NLRC5: variants seen among roughly 807,000 people sequenced by gnomAD.
NLRC5 encodes protein NLRC5.
NLRC5 carries 114 observed loss-of-function variants against 206.9 expected under a neutral mutation model. That is an observed-to-expected ratio of 0.55 (90% CI 0.47 to 0.64). The LOEUF is 0.64. NLRC5 is among the 30% of genes least tolerant of loss of function. The pLI is 0.00. For missense variants in NLRC5, 2,008 were observed against 2,305.5 expected, an observed-to-expected ratio of 0.87 and a Z score of 2.64; for synonymous variants, 952 against 962.8, an observed-to-expected ratio of 0.99 and a Z score of 0.21.
At chr16:57,021,231 A>T in intron 3 of NLRC5, 1 of 466,354 alleles carries the variant, frequency 2.1e-6, no homozygotes, top group Non-Finnish European at 3.8e-6. Flanking sequence ...AATTGCTCGA[A>T]TTGCTGAGTG....
chr16:56,992,854 C>T (rs557437147), intron 1 of NLRC5, among the ~76,000 whole-genome samples: 31 of 148,280 alleles, frequency 2.1e-4, no homozygotes, highest in East Asian at 8.0e-4. Context: ...TGGAATTATG[C>T]GTTAAAGGGA....
chr16:57,024,993 C>G (rs1041569780), intron 5 of NLRC5, among the ~76,000 whole-genome samples: 7 of 152,140 alleles, frequency 4.6e-5, no homozygotes, highest in Non-Finnish European at 7.3e-5. Flanking sequence ...CTGGGCAAGA[C>G]TGAGACTCTG....
rs1367421156 is a variant in NLRC5, at chr16:57,026,808, C to T, written c.1865C>T (p.Thr622Ile). The change falls in exon 6 of 49, where the codon ACA becomes ATA. Residue 622 changes from threonine to isoleucine, a missense_variant. By Grantham distance (89) the Thr-to-Ile change is moderately conservative (BLOSUM62 -1). Coordinates refer to ENST00000688547, the MANE Select transcript of NLRC5 (RefSeq NM_001384950.1). The stretch of plus-strand genomic sequence containing the variant: ...GAGCTGTGTCACTGTGTGGATGAGA[C>T]ACAGGAGCCTGAGCTGGCCAGTCTC... ...VVELCHCVDE[T>I]QEPELASLTA... 6.2e-7 allele frequency: 1 copy of T among 1,614,212 alleles called. No homozygotes were observed. Among genetic ancestry groups the T allele is most frequent in the Admixed American group, 1.7e-5 (1 of 60,020 alleles).
chr16:56,996,571 A>C (rs1329898964), intron 1 of NLRC5, among the ~76,000 whole-genome samples: 2 of 152,198 alleles, frequency 1.3e-5, no homozygotes, highest in Non-Finnish European at 2.9e-5. Flanking sequence ...TTTCTAGAAA[A>C]GCTTTAAGGA....
At chr16:57,073,832 G>A (rs2068054904) in intron 38 of NLRC5, among the ~76,000 whole-genome samples, 1 of 152,210 alleles carries the variant, frequency 6.6e-6, no homozygotes, top group African/African-American at 2.4e-5. Context: ...GACCTCAGGT[G>A]ATTCACCCGC....
Position 57,054,856 on chromosome 16 carries a change from G to A in NLRC5, c.3596+16G>A, listed in dbSNP as rs1328698639. On this transcript the variant is annotated intron_variant, in intron 25 of 48. Coordinates refer to ENST00000688547, the MANE Select transcript of NLRC5 (RefSeq NM_001384950.1). ...TGGATCTCAGGTGGGCATTCCCCTG[G>A]GACAGCCAGGACTCGTCCTGAAGGG... The A allele has an allele frequency of 6.2e-7, 1 of 1,611,742 alleles. No homozygotes were observed. Among genetic ancestry groups the A allele is most frequent in the East Asian group, 2.2e-5 (1 of 44,882 alleles).
At chr16:57,008,258 T>C (rs1567517302) in intron 1 of NLRC5, among the ~76,000 whole-genome samples, 1 of 152,214 alleles carries the variant, frequency 6.6e-6, no homozygotes, top group Non-Finnish European at 1.5e-5. Context: ...AAATACTTTT[T>C]CCCATGTTTT....
Position 57,078,988 on chromosome 16 carries a change from G to A in NLRC5, c.5082-62G>A, listed in dbSNP as rs2068784468. 3.4e-6 allele frequency: 5 copies of A among 1,461,362 alleles called. No individual in the cohort carries two copies. In the South Asian group the frequency reaches 5.7e-5, roughly 17 times the overall value. 90.5% of individuals were successfully genotyped at this position (1,461,362 alleles called of 1,614,324 possible). ...TGGCACTGCAGCCTGAGACAAGGCT[G>A]AGGGTGGGGCTCTGGAAACGCCAGT... On this transcript the variant is annotated intron_variant, in intron 43 of 48. Transcript: ENST00000688547.
In NLRC5 at chr16:57,058,956, T is replaced by C; in HGVS notation, c.3831-16T>C. On this transcript the variant is annotated splice_polypyrimidine_tract_variant and intron_variant, in intron 28 of 48. Coordinates refer to ENST00000688547, the MANE Select transcript of NLRC5 (RefSeq NM_001384950.1). ...TCCTGCCCTCACTCCCATTCTCATC[T>C]CCATTTCCCTTCTAGTCTGAGTCAC... is the stretch of plus-strand genomic sequence containing the variant. 6.2e-7 allele frequency: 1 copy of C among 1,612,206 alleles called. No individual in the cohort carries two copies. Among genetic ancestry groups the C allele is most frequent in the Non-Finnish European group, 8.5e-7 (1 of 1,178,254 alleles).
chr16:57,043,773 T>C (rs1316787313), intron 20 of NLRC5, 169 bp downstream of exon 20: 12 of 639,926 alleles, frequency 1.9e-5, no homozygotes, highest in Non-Finnish European at 3.1e-5. Flanking sequence ...AATGAATGAA[T>C]GATCAAATGA....
At position 57,028,089 on chromosome 16, in the gene NLRC5, G is replaced by T; in HGVS notation, c.2093G>T (p.Cys698Phe). The change falls in exon 7 of 49, where the codon TGT becomes TTT. Residue 698 changes from cysteine (C) to phenylalanine (F), a missense_variant. Physicochemically the swap from Cys to Phe is radical, Grantham distance 205. Transcript: ENST00000688547. ...IENLSFKSRK[C>F]GDAFAEALSR... Reference sequence around the variant, plus strand: ...TATGGCAGCTTTAAGAGCAGGAAGTGTGGGGATGCCTTTGCAGAAGCCCTC... The same window carrying T: ...TATGGCAGCTTTAAGAGCAGGAAGTTTGGGGATGCCTTTGCAGAAGCCCTC... 1 of 1,613,594 alleles carries T rather than the reference G, an allele frequency of 6.2e-7. No individual in the cohort carries two copies. The highest frequency in any genetic ancestry group is 1.1e-5 in the South Asian group (1 of 91,000).
chr16:57,067,638 G>A (rs1567634454), intron 35 of NLRC5, 98 bp from the exon 36 acceptor site: 3 of 1,382,746 alleles, frequency 2.2e-6, no homozygotes, highest in African/African-American at 2.8e-5. Context: ...GAGCTCTTGG[G>A]TGGCCCCTTC....
intron 41 of NLRC5, 42 bp downstream of exon 41, chr16:57,077,421 C>A: frequency 1.9e-6 from 3 of 1,556,870 alleles, no homozygotes; most frequent in Non-Finnish European, 2.7e-6. Context: ...AGGGGTCACA[C>A]GATGGTCCTA....
chr16:57,061,372 C>A, intron 30 of NLRC5, 76 bp from the exon 31 acceptor site: 2 of 1,456,146 alleles, frequency 1.4e-6, no homozygotes, highest in Non-Finnish European at 1.9e-6. Flanking sequence ...AATAGGCCCT[C>A]AGGGAGGCTG....
At chr16:57,041,644 T>C in intron 18 of NLRC5, 70 bp downstream of exon 18, 2 of 1,353,320 alleles carry the variant, frequency 1.5e-6, no homozygotes, top group Non-Finnish European at 2.1e-6. Context: ...GGTGTTTGGG[T>C]TTGGTTTTTA....
At chr16:57,050,997 T>C (rs1388960940) in intron 23 of NLRC5, among the ~76,000 whole-genome samples, 1 of 152,040 alleles carries the variant, frequency 6.6e-6, no homozygotes, top group African/African-American at 2.4e-5. Flanking sequence ...TTACTACAGG[T>C]GTGCACCACC....
intron 24 of NLRC5, chr16:57,052,775 T>G (rs1434654087): frequency 6.6e-6 from 1 of 152,164 alleles, no homozygotes; most frequent in Non-Finnish European, 1.5e-5. Context: ...CATGGCACCC[T>G]GTAATAGTCC....
At position 57,041,468 on chromosome 16, in the gene NLRC5, T is replaced by G. The variant is rs1404870758; in HGVS notation, c.2940-17T>G. 6.4e-7 allele frequency: 1 copy of G among 1,554,246 alleles called. No homozygotes were observed. The highest frequency in any genetic ancestry group is 1.4e-5 in the African/African-American group (1 of 70,076). ...GTTCAGTGGGGCATGCAGCACTGTG[T>G]TTTTGTCCCTGGGCAGGCTGACACA... On this transcript the variant is annotated splice_polypyrimidine_tract_variant and intron_variant, in intron 17 of 48. Coordinates refer to ENST00000688547, the MANE Select transcript of NLRC5 (RefSeq NM_001384950.1).
chr16:57,056,176 G>A (rs1485585707), intron 27 of NLRC5, among the ~76,000 whole-genome samples: 1 of 152,192 alleles, frequency 6.6e-6, no homozygotes, highest in Non-Finnish European at 1.5e-5. Flanking sequence ...AGACGCATTG[G>A]GAATCCAGCC....
Sources: allele counts gnomAD v4.1 joint callset (sites outside exome capture counted in the v4.1 genomes callset), GRCh38; gene constraint gnomAD v4.1.1; transcripts MANE v1.5; gene names NCBI Gene and HGNC (gene_info 2026-07-23, HGNC 2026-07-21).